Variants in RABGEF1 observed in about 807,000 individuals in gnomAD.
RABGEF1 encodes RAB guanine nucleotide exchange factor 1, also known as rab5 GDP/GTP exchange factor.
In RABGEF1, 26 loss-of-function variants were observed where a neutral mutation model predicts 57.3. That is an observed-to-expected ratio of 0.45 (90% CI 0.33 to 0.63). The LOEUF (loss-of-function observed/expected upper bound fraction) is 0.63. Ranked by LOEUF, RABGEF1 falls within the 20% of genes least tolerant of loss-of-function variation. The pLI is 0.02. For synonymous variants in RABGEF1, 185 were observed against 210.7 expected (o/e 0.88, Z 1.06); for missense variants, 464 against 607.6 (o/e 0.76, Z 2.48).
Position 66,805,195 on chromosome 7 carries a change from C to A in RABGEF1, c.876C>A (p.Thr292=). 1 of 1,613,274 alleles carries A rather than the reference C, an allele frequency of 6.2e-7. No individual in the cohort carries two copies. Among genetic ancestry groups the A allele is most frequent in the Non-Finnish European group, 8.5e-7 (1 of 1,179,210 alleles). The change falls in exon 8 of 9, where the codon ACC becomes ACA. Residue 292 remains threonine (T), a synonymous_variant. Transcript: ENST00000284957. ...RVPRDKLACI[T]KCSKHIFNAI... ...CTCGAGACAAGCTGGCCTGCATCAC[C>A]AAGTGCAGCAAGCACATCTTCAATG...
chr7:66,758,985 G>T lies in RABGEF1; in HGVS notation c.-17-12898G>T, dbSNP rs144461361. ...GTGTACTCTTCTAGTTTGCCTAATG[G>T]TTACATGTTACATAACTATAATGTA... On this transcript the variant is annotated intron_variant, in intron 1 of 8. Transcript: ENST00000284957. Among the ~76,000 whole-genome samples, 23 of 152,234 alleles carry T rather than the reference G, an allele frequency of 1.5e-4. No homozygotes were observed. In the East Asian group the frequency reaches 4.4e-3, roughly 29 times the overall value.
chr7:66,703,851 G>C (rs1355619393), intron 1 of RABGEF1, among the ~76,000 whole-genome samples: 1 of 152,056 alleles, frequency 6.6e-6, no homozygotes, highest in Non-Finnish European at 1.5e-5. Flanking sequence ...ATTTTGATAG[G>C]GATTGCACTG....
At chr7:66,712,133 T>A (rs1421798539) in intron 1 of RABGEF1, 1 of 152,254 alleles carries the variant, frequency 6.6e-6, no homozygotes, top group Non-Finnish European at 1.5e-5. Context: ...AAAATCCTGC[T>A]CAGATTTTGA....
At chr7:66,661,804 A>G in the RABGEF1 span, among the ~76,000 whole-genome samples, 2 of 152,226 alleles carry the variant, frequency 1.3e-5, no homozygotes, top group African/African-American at 4.8e-5. Context: ...AGGGCCAGAC[A>G]AAGGCACTAC....
At chr7:66,704,577 G>A (rs573247639) in intron 1 of RABGEF1, among the ~76,000 whole-genome samples, 2 of 152,148 alleles carry the variant, frequency 1.3e-5, no homozygotes, top group Non-Finnish European at 2.9e-5. Flanking sequence ...TTGGGAGGCC[G>A]AGGCGGGTGG....
intron 3 of RABGEF1, among the ~76,000 whole-genome samples, chr7:66,776,066 A>G (rs1005101280): frequency 1.3e-5 from 2 of 152,230 alleles, no homozygotes; most frequent in African/African-American, 4.8e-5. Context: ...ACATGAAGCA[A>G]GAAAGACTCT....
At chr7:66,808,712 C>T (rs765039216) in intron 8 of RABGEF1, among the ~76,000 whole-genome samples, 174 bp from the exon 9 acceptor site, 2 of 152,062 alleles carry the variant, frequency 1.3e-5, no homozygotes, top group South Asian at 2.1e-4. Context: ...ATAGGAAGCA[C>T]GACCGGGGAT....
chr7:66,687,841 T>C (rs1312286533), intron 1 of RABGEF1, among the ~76,000 whole-genome samples: 3 of 152,042 alleles, frequency 2.0e-5, no homozygotes, highest in Non-Finnish European at 4.4e-5. Flanking sequence ...ATCCCAGCAC[T>C]CTGGGAGGCT....
intron 7 of RABGEF1, among the ~76,000 whole-genome samples, chr7:66,804,086 A>ATTTT (rs776154567): frequency 5.1e-5 from 7 of 136,920 alleles, no homozygotes; most frequent in African/African-American, 1.9e-4. Context: ...CAGTAGCTGG[A>ATTTT]TTTTTTTTTT....
chr7:66,716,818 G>A (rs1795458147), intron 2 of RABGEF1, among the ~76,000 whole-genome samples: 1 of 152,072 alleles, frequency 6.6e-6, no homozygotes, highest in Non-Finnish European at 1.5e-5. Context: ...TTGCTCTGTT[G>A]CCCGGGCTGG....
At chr7:66,711,787 C>T (rs1794817969) in intron 1 of RABGEF1, among the ~76,000 whole-genome samples, 1 of 152,014 alleles carries the variant, frequency 6.6e-6, no homozygotes, top group Admixed American at 6.6e-5. Flanking sequence ...GGAGTTTCAC[C>T]ATGTTAGCCA....
chr7:66,798,458 C>A (rs951582978), intron 6 of RABGEF1, among the ~76,000 whole-genome samples: 1 of 152,164 alleles, frequency 6.6e-6, no homozygotes, highest in Non-Finnish European at 1.5e-5. Context: ...TGATACTGGG[C>A]AGGCTGAAGA....
upstream of RABGEF1, among the ~76,000 whole-genome samples, chr7:66,680,782 A>G (rs1192700370): frequency 1.3e-5 from 2 of 152,106 alleles, no homozygotes; most frequent in Non-Finnish European, 2.9e-5. Flanking sequence ...CCCTGTCTCT[A>G]GTAAAAATAC....
chr7:66,657,718 G>T, the RABGEF1 span, among the ~76,000 whole-genome samples: 1 of 152,176 alleles, frequency 6.6e-6, no homozygotes, highest in African/African-American at 2.4e-5. Context: ...CTACTTGGGA[G>T]GCTGGGGCAG....
intron 1 of RABGEF1, among the ~76,000 whole-genome samples, chr7:66,747,009 G>T (rs1800412098): frequency 6.6e-6 from 1 of 151,640 alleles, no homozygotes; most frequent in Non-Finnish European, 1.5e-5. Flanking sequence ...GGCCAGGCTG[G>T]TCTCGAATTT....
At chr7:66,801,139 T>C (rs1787195558) in intron 7 of RABGEF1, among the ~76,000 whole-genome samples, 1 of 152,138 alleles carries the variant, frequency 6.6e-6, no homozygotes, top group South Asian at 2.1e-4. Flanking sequence ...AGGAAGGGGA[T>C]CAGAGAGTCC....
At chr7:66,688,071 G>A (rs1790951860) in intron 1 of RABGEF1, among the ~76,000 whole-genome samples, 2 of 119,570 alleles carry the variant, frequency 1.7e-5, no homozygotes, top group African/African-American at 6.4e-5. Flanking sequence ...GGCAACAAGA[G>A]TGAAACTCTG....
At chr7:66,749,606 T>G (rs1585134992) in intron 1 of RABGEF1, among the ~76,000 whole-genome samples, 1 of 152,072 alleles carries the variant, frequency 6.6e-6, no homozygotes, top group Non-Finnish European at 1.5e-5. Context: ...GAGGCTGCAG[T>G]GCACTATGAT....
intron 2 of RABGEF1, among the ~76,000 whole-genome samples, chr7:66,733,076 C>T (rs1797528305): frequency 6.6e-6 from 1 of 152,202 alleles, no homozygotes; most frequent in Non-Finnish European, 1.5e-5. Context: ...TCCTGGAGTC[C>T]TGGCCCCTAA....
Sources: allele counts gnomAD v4.1 joint callset (sites outside exome capture counted in the v4.1 genomes callset), GRCh38; gene constraint gnomAD v4.1.1; transcripts MANE v1.5; gene names NCBI Gene and HGNC (gene_info 2026-07-23, HGNC 2026-07-21).